Variants in ULK4 observed in about 807,000 individuals in gnomAD.
ULK4 encodes inactive serine/threonine-protein kinase ULK4.
Under a neutral mutation model 160.6 loss-of-function variants are expected in ULK4, and 133 were observed. That is an observed-to-expected ratio of 0.83 (90% CI 0.72 to 0.96). The LOEUF (loss-of-function observed/expected upper bound fraction) is 0.96. ULK4 is among the 40% of genes least tolerant of loss of function. ULK4 has a pLI of 0.00. For synonymous variants in ULK4, 534 were observed against 539.8 expected (o/e 0.99, Z 0.15); for missense variants, 1,580 against 1,499.5 (o/e 1.05, Z -0.89).
At chr3:41,590,878 T>C (rs1309182291) in intron 31 of ULK4, among the ~76,000 whole-genome samples, 7 of 150,864 alleles carry the variant, frequency 4.6e-5, no homozygotes, top group Non-Finnish European at 7.4e-5. Context: ...GAGGATAAAA[T>C]AGGCTAAGAG....
At chr3:41,831,847 G>A (rs1288026725) in intron 18 of ULK4, among the ~76,000 whole-genome samples, 1 of 152,004 alleles carries the variant, frequency 6.6e-6, no homozygotes, top group Non-Finnish European at 1.5e-5. Context: ...ATGGCTTCCA[G>A]CTTCACCCAT....
chr3:41,592,125 T>G (rs921605396), intron 31 of ULK4, among the ~76,000 whole-genome samples: 9 of 152,138 alleles, frequency 5.9e-5, no homozygotes, highest in Non-Finnish European at 1.2e-4. Flanking sequence ...CCCCAAATAC[T>G]ATGAGTGCCC....
At chr3:41,509,696 C>T (rs996456090) in intron 32 of ULK4, among the ~76,000 whole-genome samples, 2 of 152,160 alleles carry the variant, frequency 1.3e-5, no homozygotes, top group Non-Finnish European at 2.9e-5. Flanking sequence ...AAATAATTTT[C>T]AGCCAAGAAT....
intron 35 of ULK4, among the ~76,000 whole-genome samples, chr3:41,280,873 TG>T (rs1472147467): frequency 1.3e-5 from 2 of 152,104 alleles, no homozygotes; most frequent in African/African-American, 4.8e-5. Context: ...ATCCAGGAGC[TG>T]GTTTTTTGAA....
chr3:41,471,272 T>C (rs780167803), intron 32 of ULK4, among the ~76,000 whole-genome samples: 3 of 152,096 alleles, frequency 2.0e-5, no homozygotes, highest in Non-Finnish European at 4.4e-5. Flanking sequence ...TATATAATGA[T>C]AAAAGGGTCA....
At chr3:41,258,958 A>G (rs899781565) in intron 35 of ULK4, among the ~76,000 whole-genome samples, 3 of 149,960 alleles carry the variant, frequency 2.0e-5, no homozygotes, top group African/African-American at 7.4e-5. Flanking sequence ...GAATATATAT[A>G]TATACATATA....
intron 34 of ULK4, among the ~76,000 whole-genome samples, chr3:41,430,909 G>A (rs943878297): frequency 2.0e-5 from 3 of 152,060 alleles, no homozygotes; most frequent in African/African-American, 4.8e-5. Flanking sequence ...AGGTTTGGGG[G>A]TGGGGGTGGC....
intron 32 of ULK4, among the ~76,000 whole-genome samples, chr3:41,511,715 GAGA>G (rs1249111536): frequency 7.9e-5 from 12 of 152,108 alleles, no homozygotes; most frequent in Non-Finnish European, 1.8e-4. Flanking sequence ...CAGACATTCA[GAGA>G]AGAACTGGTA....
chr3:41,418,293 T>C (rs188118649), intron 34 of ULK4, among the ~76,000 whole-genome samples: 41 of 139,522 alleles, frequency 2.9e-4, no homozygotes, highest in African/African-American at 1.1e-3. Context: ...CATAGACTAG[T>C]ACTACACGTA....
intron 30 of ULK4, among the ~76,000 whole-genome samples, chr3:41,647,231 G>A (rs1278197844): frequency 6.6e-6 from 1 of 152,214 alleles, no homozygotes; most frequent in Non-Finnish European, 1.5e-5. Context: ...TTCCGTTGCT[G>A]GTGAGGAACT....
At chr3:41,928,460 T>C (rs1022160190) in intron 5 of ULK4, among the ~76,000 whole-genome samples, 2 of 150,064 alleles carry the variant, frequency 1.3e-5, no homozygotes, top group African/African-American at 2.4e-5. Context: ...AGCAAACAAA[T>C]TCAAAAACTA....
chr3:41,359,822 C>T (rs868765934), intron 35 of ULK4, among the ~76,000 whole-genome samples: 2 of 151,940 alleles, frequency 1.3e-5, no homozygotes, highest in Admixed American at 6.6e-5. Flanking sequence ...CTATAAAAAC[C>T]CTAGAAGAAA....
intron 22 of ULK4, among the ~76,000 whole-genome samples, chr3:41,721,791 C>T (rs1399596174): frequency 1.3e-5 from 2 of 152,122 alleles, no homozygotes; most frequent in African/African-American, 4.8e-5. Flanking sequence ...GCAAGGCAAA[C>T]AGACAGCCCG....
At chr3:41,252,652 CCT>C (rs1328083155) in intron 35 of ULK4, among the ~76,000 whole-genome samples, 25 of 149,748 alleles carry the variant, frequency 1.7e-4, no homozygotes, top group African/African-American at 5.9e-4. Flanking sequence ...ATGAGCAGCA[CCT>C]CAGGGACCTA....
At position 41,684,895 on chromosome 3, in the gene ULK4, C is replaced by T. The variant is rs1041330868; in HGVS notation, c.2782-3091G>A. On this transcript the variant is annotated intron_variant, in intron 27 of 36. Transcript: ENST00000301831. ...TTAAAAGAAGGATGCATAAGAATGTCGTGGCTAACCTTACAAATTATCTTG... is the reference window on the plus strand; with the variant it reads ...TTAAAAGAAGGATGCATAAGAATGTTGTGGCTAACCTTACAAATTATCTTG... Among the ~76,000 whole-genome samples the T allele has an allele frequency of 5.3e-5, 8 of 152,282 alleles. No homozygotes were observed. In the East Asian group the frequency reaches 1.4e-3, roughly 26 times the overall value.
At chr3:41,698,541 A>G (rs754498858) in intron 27 of ULK4, among the ~76,000 whole-genome samples, 2 of 152,228 alleles carry the variant, frequency 1.3e-5, no homozygotes, top group African/African-American at 2.4e-5. Flanking sequence ...CCAAAAATTC[A>G]AATATTTCAA....
At chr3:41,353,773 G>A (rs369361524) in intron 35 of ULK4, among the ~76,000 whole-genome samples, 3 of 151,066 alleles carry the variant, frequency 2.0e-5, no homozygotes, top group South Asian at 4.2e-4. Flanking sequence ...AAGAAAGACT[G>A]CTTTATAACT....
At position 41,919,826 on chromosome 3, in the gene ULK4, C is replaced by A; in HGVS notation, c.542-8G>T. On this transcript the variant is annotated splice_region_variant and splice_polypyrimidine_tract_variant and intron_variant, in intron 5 of 36. Coordinates refer to ENST00000301831, the MANE Select transcript of ULK4 (RefSeq NM_017886.4). ...CTGTATATACAGGAGATCCTAAAAG[C>A]AAAGTATGAAGAACAGCTCGGTTAG... 6.2e-7 allele frequency: 1 copy of A among 1,604,104 alleles called. No homozygotes were observed.
chr3:41,311,289 G>C (rs1257258568), intron 35 of ULK4, among the ~76,000 whole-genome samples: 1 of 152,210 alleles, frequency 6.6e-6, no homozygotes, highest in African/African-American at 2.4e-5. Context: ...ATTTGAGTCA[G>C]TGGGCTGGGA....
Sources: allele counts gnomAD v4.1 joint callset (sites outside exome capture counted in the v4.1 genomes callset), GRCh38; gene constraint gnomAD v4.1.1; transcripts MANE v1.5; gene names NCBI Gene and HGNC (gene_info 2026-07-23, HGNC 2026-07-21).